The following PARP16 variants were observed in gnomAD, a reference collection of about 807,000 sequenced individuals.
PARP16 encodes poly(ADP-ribose) polymerase family member 16.
Under a neutral mutation model 35.0 loss-of-function variants are expected in PARP16, and 31 were observed. The observed-to-expected ratio is 0.88, with a 90% confidence interval of 0.66 to 1.19. The LOEUF (loss-of-function observed/expected upper bound fraction) is 1.19, where lower values mean the gene tolerates loss of function less well. Among genes scored for constraint, PARP16 ranks in the 50% most tolerant of loss-of-function variants. PARP16 has a pLI of 0.00. For missense variants in PARP16, 424 were observed against 411.2 expected, an observed-to-expected ratio of 1.03 and a Z score of -0.27; for synonymous variants, 162 against 169.5, an observed-to-expected ratio of 0.96 and a Z score of 0.34.
intron 3 of PARP16, among the ~76,000 whole-genome samples, chr15:65,238,376 A>G (rs1007110301): frequency 3.3e-5 from 5 of 152,186 alleles, no homozygotes; most frequent in African/African-American, 9.7e-5. Context: ...CCAGAGGTAG[A>G]TGAAAAGAGA....
At chr15:65,256,825 T>TAGGAA (rs2089527302), downstream of PARP16, among the ~76,000 whole-genome samples, 1 of 152,160 alleles carries the variant, frequency 6.6e-6, no homozygotes, top group African/African-American at 2.4e-5. Flanking sequence ...GAACTTCAGG[T>TAGGAA]CTTTGCATGT....
chr15:65,269,916 C>T (rs7162537), intron 2 of PARP16, among the ~76,000 whole-genome samples: 2,356 of 152,262 alleles, frequency 0.015, 72 homozygotes, highest in African/African-American at 0.054. Context: ...GAATTCAACA[C>T]ATAACAACAG....
chr15:65,258,804 A>G lies in PARP16; in HGVS notation c.*603T>C, dbSNP rs1596008174. On this transcript the variant is annotated 3_prime_UTR_variant, in exon 6 of 6. Coordinates refer to ENST00000649807, the MANE Select transcript of PARP16 (RefSeq NM_001316943.2). Reference sequence around the variant, plus strand: ...CCCCTGACTCCTTTCTTTCTCATCCATGGTTTTTTGGGGAGGGGGGCAAGT... The same window carrying G: ...CCCCTGACTCCTTTCTTTCTCATCCGTGGTTTTTTGGGGAGGGGGGCAAGT... The G allele has an allele frequency of 6.6e-6, 1 of 152,482 alleles. No individual in the cohort carries two copies. Among genetic ancestry groups the G allele is most frequent in the South Asian group, 2.1e-4 (1 of 4,834 alleles). 9.4% of individuals were successfully genotyped at this position (152,482 alleles called of 1,614,324 possible). A position where few individuals can be genotyped will look rare whatever the true frequency, so the allele number is the denominator to read the frequency against.
At chr15:65,278,796 G>A (rs2090334328) in intron 1 of PARP16, among the ~76,000 whole-genome samples, 1 of 152,182 alleles carries the variant, frequency 6.6e-6, no homozygotes, top group Admixed American at 6.5e-5. Context: ...TACTTGTCTA[G>A]GAAAGTGTCA....
At chr15:65,254,954 T>C (rs2089459547), downstream of PARP16, among the ~76,000 whole-genome samples, 1 of 152,162 alleles carries the variant, frequency 6.6e-6, no homozygotes, top group East Asian at 1.9e-4. Context: ...TGACAGCTCA[T>C]GGGATGCTGT....
rs1018403782 is a variant in PARP16, at chr15:65,258,448, C to A, written c.*959G>T. The A allele has an allele frequency of 5.3e-5, 8 of 152,232 alleles. No individual in the cohort carries two copies. Among genetic ancestry groups the A allele is most frequent in the Non-Finnish European group, 8.8e-5 (6 of 68,052 alleles). 9.4% of individuals were successfully genotyped at this position (152,232 alleles called of 1,614,324 possible). A position where few individuals can be genotyped will look rare whatever the true frequency, so the allele number is the denominator to read the frequency against. ...GGCCTCTGTCTTGAAGGCCAGTAGGCCACAGAAGACCTGAAAGCATGGCAC... is the reference window on the plus strand; with the variant it reads ...GGCCTCTGTCTTGAAGGCCAGTAGGACACAGAAGACCTGAAAGCATGGCAC... On this transcript the variant is annotated 3_prime_UTR_variant, in exon 6 of 6. Transcript: ENST00000649807.
intron 2 of PARP16, among the ~76,000 whole-genome samples, chr15:65,269,178 TTC>T (rs1263881566): frequency 1.4e-5 from 2 of 145,420 alleles, no homozygotes; most frequent in African/African-American, 2.6e-5. Flanking sequence ...GTCGGTTTTT[TTC>T]TTTCTTTCTT....
chr15:65,267,257 T>G (rs1375359654), intron 2 of PARP16, among the ~76,000 whole-genome samples: 1 of 151,018 alleles, frequency 6.6e-6, no homozygotes, highest in Admixed American at 6.6e-5. Context: ...ATAATAATAA[T>G]AAATAATAAC....
At chr15:65,248,265 A>G in intron 2 of PARP16, 1 of 456,490 alleles carries the variant, frequency 2.2e-6, no homozygotes, top group Non-Finnish European at 4.4e-6. Flanking sequence ...GTACTTTAAA[A>G]ATGTCCAAGT....
Position 65,286,734 on chromosome 15 carries a change from G to A in PARP16, c.-308C>T, listed in dbSNP as rs142349271. The A allele has an allele frequency of 5.3e-6, 2 of 378,164 alleles. No homozygotes were observed. Among genetic ancestry groups the A allele is most frequent in the African/African-American group, 2.1e-5 (1 of 47,574 alleles). The allele number at this position is 378,164 out of a possible 1,614,324, so 23.4% of individuals were successfully genotyped here. The stretch of plus-strand genomic sequence containing the variant: ...TGGGGGGGAGGGGTTCCCGGCCTAG[G>A]GGAAGGGCTATGACAATGGAATGAC... On this transcript the variant is annotated 5_prime_UTR_variant, in exon 1 of 6. Coordinates refer to ENST00000649807, the MANE Select transcript of PARP16 (RefSeq NM_001316943.2).
At chr15:65,262,904 T>C (rs2089782201) in intron 4 of PARP16, among the ~76,000 whole-genome samples, 1 of 152,180 alleles carries the variant, frequency 6.6e-6, no homozygotes, top group Admixed American at 6.5e-5. Context: ...GAGCTGCCTC[T>C]GTGGGCCTCG....
At chr15:65,238,147 G>GCATGGTGGGGC (rs1465647693) in intron 3 of PARP16, among the ~76,000 whole-genome samples, 5 of 152,076 alleles carry the variant, frequency 3.3e-5, no homozygotes, top group African/African-American at 1.2e-4. Flanking sequence ...ATTTATCAGG[G>GCATGGTGGGGC]CATGGTGGGG....
At chr15:65,254,378 G>A (rs143984366), downstream of PARP16, among the ~76,000 whole-genome samples, 492 of 152,240 alleles carry the variant, frequency 3.2e-3, 2 homozygotes, top group African/African-American at 0.011. Context: ...CAAAGGAGAG[G>A]GGCTTATTCT....
intron 3 of PARP16, among the ~76,000 whole-genome samples, chr15:65,264,767 C>G (rs1416730559): frequency 1.3e-5 from 2 of 152,124 alleles, no homozygotes; most frequent in African/African-American, 4.8e-5. Context: ...GTATCTCTGC[C>G]ATGAAAACAG....
intron 2 of PARP16, among the ~76,000 whole-genome samples, chr15:65,269,814 G>A (rs1338750130): frequency 6.6e-6 from 1 of 152,142 alleles, no homozygotes; most frequent in African/African-American, 2.4e-5. Flanking sequence ...CAAAAGTCTA[G>A]GAGCTATTTA....
chr15:65,250,106 CCTTTTTTTTTTTTTT>C (rs1305439321), intron 2 of PARP16, among the ~76,000 whole-genome samples: 18 of 104,208 alleles, frequency 1.7e-4, no homozygotes, highest in Non-Finnish European at 2.8e-4. Context: ...CACCTGCTTG[CCTTTTTTTTTTTTTT>C]TTTTTTTTTT....
chr15:65,245,780 G>A (rs990000072), intron 3 of PARP16, among the ~76,000 whole-genome samples: 4 of 152,160 alleles, frequency 2.6e-5, no homozygotes, highest in Non-Finnish European at 5.9e-5. Flanking sequence ...GACCCTGGCC[G>A]TCAGCAGCTA....
intron 1 of PARP16, among the ~76,000 whole-genome samples, chr15:65,274,777 C>G (rs1468542650): frequency 1.3e-5 from 2 of 151,998 alleles, no homozygotes; most frequent in Non-Finnish European, 2.9e-5. Context: ...AAATGGGCCC[C>G]TTAATCAAGT....
At chr15:65,281,324 A>G (rs564059331) in intron 1 of PARP16, among the ~76,000 whole-genome samples, 6 of 152,318 alleles carry the variant, frequency 3.9e-5, no homozygotes, top group African/African-American at 1.2e-4. Context: ...CACACGCACA[A>G]TGTGATTCCT....
Sources: allele counts gnomAD v4.1 joint callset (sites outside exome capture counted in the v4.1 genomes callset), GRCh38; gene constraint gnomAD v4.1.1; transcripts MANE v1.5; gene names NCBI Gene and HGNC (gene_info 2026-07-23, HGNC 2026-07-21).